The following STK39 variants were observed in gnomAD, a reference collection of about 807,000 sequenced individuals.
The protein encoded by STK39 is serine/threonine kinase 39, also known as STE20/SPS1-related proline-alanine-rich protein kinase.
STK39 carries 20 observed loss-of-function variants against 77.8 expected under a neutral mutation model. The observed-to-expected ratio is 0.26, with a 90% CI of 0.18 to 0.37. STK39 has a LOEUF of 0.37. Ranked by LOEUF, STK39 falls within the 10% of genes least tolerant of loss-of-function variation. The pLI is 1.00. For synonymous variants in STK39, 246 were observed against 234.1 expected, an observed-to-expected ratio of 1.05 and a Z score of -0.47; for missense variants, 479 against 656.5, an observed-to-expected ratio of 0.73 and a Z score of 2.95.
At chr2:168,156,274 G>T (rs1402188224) in intron 5 of STK39, among the ~76,000 whole-genome samples, 1 of 152,212 alleles carries the variant, frequency 6.6e-6, no homozygotes, top group Non-Finnish European at 1.5e-5. Flanking sequence ...AGCATTTCAA[G>T]TCACAGCAGA....
chr2:168,011,087 C>G (rs1684258539), intron 16 of STK39, among the ~76,000 whole-genome samples: 2 of 152,194 alleles, frequency 1.3e-5, no homozygotes, highest in Admixed American at 6.5e-5. Flanking sequence ...CACTTGAGGT[C>G]AGGAGTTCGA....
At chr2:168,056,533 A>G (rs188303981) in intron 14 of STK39, among the ~76,000 whole-genome samples, 1 of 152,312 alleles carries the variant, frequency 6.6e-6, no homozygotes, top group Non-Finnish European at 1.5e-5. Context: ...TGTGGAGCAT[A>G]ACACACATAA....
chr2:168,013,101 T>C (rs1574391153), intron 15 of STK39, among the ~76,000 whole-genome samples: 1 of 152,328 alleles, frequency 6.6e-6, no homozygotes, highest in East Asian at 1.9e-4. Context: ...TGGAGTGAAT[T>C]ACAGCAAAGG....
intron 10 of STK39, among the ~76,000 whole-genome samples, chr2:168,100,681 G>A (rs1307408571): frequency 2.0e-5 from 3 of 152,104 alleles, no homozygotes; most frequent in Admixed American, 6.6e-5. Context: ...TCTGACAAAG[G>A]GCTAATATCC....
chr2:168,246,869 C>T (rs535328320), intron 1 of STK39, among the ~76,000 whole-genome samples: 5 of 151,784 alleles, frequency 3.3e-5, no homozygotes, highest in Admixed American at 1.3e-4. Flanking sequence ...GCGTGGCCAC[C>T]GGCCACGGGC....
chr2:168,157,376 A>T (rs1013137741), intron 5 of STK39, among the ~76,000 whole-genome samples: 18 of 152,152 alleles, frequency 1.2e-4, no homozygotes, highest in Admixed American at 1.1e-3. Context: ...TATTTCTGTT[A>T]TGTAAAACCA....
intron 14 of STK39, among the ~76,000 whole-genome samples, chr2:168,050,626 G>C (rs1374887581): frequency 6.6e-6 from 1 of 152,116 alleles, no homozygotes; most frequent in Non-Finnish European, 1.5e-5. Context: ...GGAGCCGAGG[G>C]ATGCAGGCTA....
chr2:168,132,890 A>G (rs549576473), intron 8 of STK39, among the ~76,000 whole-genome samples: 1 of 152,296 alleles, frequency 6.6e-6, no homozygotes, highest in Admixed American at 6.5e-5. Context: ...ACTATAATCA[A>G]ATATGGGGGA....
intron 10 of STK39, among the ~76,000 whole-genome samples, chr2:168,105,832 A>G (rs1157850303): frequency 6.6e-6 from 1 of 152,246 alleles, no homozygotes; most frequent in Non-Finnish European, 1.5e-5. Context: ...TATTTATTCC[A>G]GAACTTCACT....
chr2:168,162,724 T>C (rs1688606047), intron 4 of STK39, among the ~76,000 whole-genome samples: 1 of 152,160 alleles, frequency 6.6e-6, no homozygotes, highest in Non-Finnish European at 1.5e-5. Context: ...AAGTAACTTT[T>C]TTCTAATTAT....
intron 10 of STK39, among the ~76,000 whole-genome samples, chr2:168,114,052 T>C (rs903103137): frequency 6.6e-6 from 1 of 152,196 alleles, no homozygotes; most frequent in African/African-American, 2.4e-5. Flanking sequence ...TAAAAATTCA[T>C]CAGTAAATTA....
In STK39 at chr2:168,049,895, G is replaced by C. The variant is rs147771693; in HGVS notation, c.1376+13605C>G. 7.2e-3 allele frequency among the ~76,000 whole-genome samples: 1,095 copies of C among 152,322 alleles called. 10 individuals are homozygous for C. Among genetic ancestry groups the C allele is most frequent in the African/African-American group, 0.025 (1,041 of 41,560 alleles). ...GAAACACACTACTCATGTACATTAG[G>C]AGAGAACTGGGTGTCCGATTCTAAA... On this transcript the variant is annotated intron_variant, in intron 14 of 17. Transcript: ENST00000355999.
At chr2:168,113,145 G>A (rs569357326) in intron 10 of STK39, 1 of 152,286 alleles carries the variant, frequency 6.6e-6, no homozygotes, top group African/African-American at 2.4e-5. Flanking sequence ...TCCATACCAG[G>A]ATATGTCAAA....
intron 2 of STK39, among the ~76,000 whole-genome samples, chr2:168,176,303 C>A (rs962152515): frequency 6.6e-6 from 1 of 151,376 alleles, no homozygotes; most frequent in Non-Finnish European, 1.5e-5. Flanking sequence ...TTCTCCCCCC[C>A]TTAAACCTCA....
intron 14 of STK39, among the ~76,000 whole-genome samples, chr2:168,020,917 A>G (rs1415443501): frequency 1.3e-5 from 2 of 152,166 alleles, no homozygotes; most frequent in African/African-American, 4.8e-5. Flanking sequence ...GCATGTTCTC[A>G]TAAAACAATC....
intron 10 of STK39, among the ~76,000 whole-genome samples, chr2:168,116,455 TTTTAA>T (rs1687260162): frequency 6.6e-6 from 1 of 152,344 alleles, no homozygotes; most frequent in East Asian, 1.9e-4. Context: ...GTCCCTTGAA[TTTTAA>T]TTTGTTTTAG....
At chr2:167,982,635 A>G (rs1244638548) in intron 16 of STK39, among the ~76,000 whole-genome samples, 1 of 152,180 alleles carries the variant, frequency 6.6e-6, no homozygotes, top group Non-Finnish European at 1.5e-5. Flanking sequence ...GCTCCTTCAC[A>G]GTAGACCCAT....
At position 167,956,667 on chromosome 2, in the gene STK39, G is replaced by GACACACACACACACACACACACACAC. The variant is rs762455680; in HGVS notation, c.1564-1123_1564-1098dup. Among the ~76,000 whole-genome samples, 18 of 47,924 alleles carry GACACACACACACACACACACACACAC rather than the reference G, an allele frequency of 3.8e-4. 3 individuals carry two copies. The highest frequency in any genetic ancestry group is 8.7e-4 in the African/African-American group (7 of 8,084). 31.4% of individuals were successfully genotyped at this position (47,924 alleles called of 152,430 possible). ...GACCTCTCCCCCTTGCTTGCTTTTA[G>GACACACACACACACACACACACACAC]ACACACACACACACACACACACACA... On this transcript the variant is annotated intron_variant, in intron 17 of 17. Coordinates refer to ENST00000355999, the MANE Select transcript of STK39 (RefSeq NM_013233.3).
At chr2:168,233,352 G>A (rs754852394) in intron 1 of STK39, among the ~76,000 whole-genome samples, 9 of 152,062 alleles carry the variant, frequency 5.9e-5, no homozygotes, top group South Asian at 4.2e-4. Context: ...TTACAGCTCC[G>A]GTCACTCAAG....
Sources: allele counts gnomAD v4.1 joint callset (sites outside exome capture counted in the v4.1 genomes callset), GRCh38; gene constraint gnomAD v4.1.1; transcripts MANE v1.5; gene names NCBI Gene and HGNC (gene_info 2026-07-23, HGNC 2026-07-21).